Variants in ARHGEF11 observed in about 807,000 individuals in gnomAD.
The protein encoded by ARHGEF11 is Rho guanine nucleotide exchange factor 11.
Under a neutral mutation model 193.7 loss-of-function variants are expected in ARHGEF11, and 55 were observed. That is an observed-to-expected ratio of 0.28 (90% CI 0.23 to 0.36). ARHGEF11 has a LOEUF of 0.36. Among genes scored for constraint, ARHGEF11 ranks in the 10% least tolerant of loss-of-function variants. The pLI is 1.00. For missense variants in ARHGEF11, 1,723 were observed against 2,005.6 expected (o/e 0.86, Z 2.69); for synonymous variants, 693 against 768.0 (o/e 0.90, Z 1.62).
At chr1:156,954,659 A>G (rs1456533481) in intron 21 of ARHGEF11, among the ~76,000 whole-genome samples, 1 of 152,232 alleles carries the variant, frequency 6.6e-6, no homozygotes, top group African/African-American at 2.4e-5. Flanking sequence ...GTTAGGAGAC[A>G]AGGTCTCGTA....
At chr1:156,951,819 T>C in intron 21 of ARHGEF11, 120 bp from the exon 22 acceptor site, 3 of 1,316,108 alleles carry the variant, frequency 2.3e-6, no homozygotes, top group Non-Finnish European at 2.1e-6. Flanking sequence ...AGAACAGCAC[T>C]GGACCAAGAG....
intron 1 of ARHGEF11, among the ~76,000 whole-genome samples, chr1:157,032,633 T>A (rs959290674): frequency 4.6e-5 from 7 of 151,654 alleles, no homozygotes; most frequent in Admixed American, 1.3e-4. Context: ...GGAGCGACAT[T>A]TTTTTTTTCC....
intron 1 of ARHGEF11, among the ~76,000 whole-genome samples, chr1:157,021,124 T>C (rs1045277329): frequency 6.6e-6 from 1 of 152,174 alleles, no homozygotes; most frequent in African/African-American, 2.4e-5. Context: ...AGTTGCTCTG[T>C]AGGAAGATGG....
chr1:157,011,949 T>A (rs1473361708), intron 1 of ARHGEF11, among the ~76,000 whole-genome samples: 1 of 152,196 alleles, frequency 6.6e-6, no homozygotes, highest in African/African-American at 2.4e-5. Context: ...AACACACATA[T>A]GCTATATGAC....
intron 1 of ARHGEF11, among the ~76,000 whole-genome samples, chr1:157,019,080 AT>A (rs1669646954): frequency 1.3e-5 from 2 of 152,242 alleles, no homozygotes; most frequent in Admixed American, 6.5e-5. Flanking sequence ...ATTGGCAAAG[AT>A]TTATTCATTA....
At chr1:156,944,128 T>C (rs761907109) in intron 31 of ARHGEF11, 26 bp from the exon 32 acceptor site, 10 of 1,606,328 alleles carry the variant, frequency 6.2e-6, no homozygotes, top group Non-Finnish European at 7.7e-6. Flanking sequence ...CATGGGAAGG[T>C]GTTCCCTGGT....
chr1:157,041,386 G>A (rs1225416773), intron 1 of ARHGEF11, among the ~76,000 whole-genome samples: 2 of 152,266 alleles, frequency 1.3e-5, no homozygotes, highest in East Asian at 1.9e-4. Context: ...GAAAGATAAA[G>A]AATAGTTGCA....
Position 156,955,928 on chromosome 1 carries a change from C to A in ARHGEF11, c.1672-129G>T, listed in dbSNP as rs1046932010. 18 of 751,048 alleles carry A rather than the reference C, an allele frequency of 2.4e-5. No individual in the cohort carries two copies. In the African/African-American group the frequency reaches 2.9e-4, roughly 12 times the overall value. The allele number at this position is 751,048 out of a possible 1,614,324, so 46.5% of individuals were successfully genotyped here. Reference sequence around the variant, plus strand: ...ACTGGAGAGCTGACTCTTGCTGGTACCCTAACAAGCATGTTCGCCTCTGGC... The same window carrying A: ...ACTGGAGAGCTGACTCTTGCTGGTAACCTAACAAGCATGTTCGCCTCTGGC... On this transcript the variant is annotated intron_variant, in intron 19 of 40. Transcript: ENST00000368194.
chr1:156,977,410 T>C (rs187705961), intron 6 of ARHGEF11, among the ~76,000 whole-genome samples: 3 of 152,218 alleles, frequency 2.0e-5, no homozygotes, highest in African/African-American at 7.2e-5. Flanking sequence ...TCTACTTGTT[T>C]TTTTGTTTTG....
chr1:156,978,168 A>G, intron 6 of ARHGEF11, 36 bp downstream of exon 6: 1 of 1,613,562 alleles, frequency 6.2e-7, no homozygotes, highest in Non-Finnish European at 8.5e-7. Flanking sequence ...TCAACAGGAC[A>G]TTAGGGTGAG....
chr1:156,976,882 G>T, intron 7 of ARHGEF11, 101 bp downstream of exon 7: 8 of 1,041,258 alleles, frequency 7.7e-6, no homozygotes, highest in South Asian at 1.4e-5. Flanking sequence ...TACTGTGATA[G>T]GATATTGCCT....
intron 7 of ARHGEF11, 103 bp downstream of exon 7, chr1:156,976,880 T>C (rs1235324774): frequency 2.9e-6 from 3 of 1,037,958 alleles, no homozygotes; most frequent in Non-Finnish European, 4.4e-6. Context: ...TTTACTGTGA[T>C]AGGATATTGC....
chr1:156,961,238 C>T (rs1289309720), intron 14 of ARHGEF11, among the ~76,000 whole-genome samples: 1 of 152,254 alleles, frequency 6.6e-6, no homozygotes, highest in East Asian at 1.9e-4. Context: ...TGGGGCCTCC[C>T]ATCTCTGACT....
Position 156,941,874 on chromosome 1 carries a change from T to C in ARHGEF11, c.3442A>G (p.Thr1148Ala). ...GPREPAQQGP[T>A]PSRVELDDSD... ...GGCTAAGCACTGCACCTGCTGGGTG[T>C]GGGGCCCTGCTGGGCTGGCTCCCGG... Residue 1148 changes from threonine (T) to alanine (A), a missense_variant, in exon 34 of 41, where the codon ACA becomes GCA. This residue lies in a region of ARHGEF11 where 203 missense variants were observed against 237.3 expected (regional missense o/e 0.86). Coordinates refer to ENST00000368194, the MANE Select transcript of ARHGEF11 (RefSeq NM_198236.3). The C allele has an allele frequency of 6.2e-7, 1 of 1,610,504 alleles. No homozygotes were observed. Among genetic ancestry groups the C allele is most frequent in the East Asian group, 2.2e-5 (1 of 44,846 alleles).
chr1:157,001,984 T>G (rs1667254126), intron 1 of ARHGEF11, among the ~76,000 whole-genome samples: 1 of 152,240 alleles, frequency 6.6e-6, no homozygotes, highest in African/African-American at 2.4e-5. Context: ...GATTATGGTC[T>G]TAGTTCTAGG....
chr1:157,037,081 T>C (rs576440073), intron 1 of ARHGEF11, among the ~76,000 whole-genome samples: 1 of 152,292 alleles, frequency 6.6e-6, no homozygotes, highest in South Asian at 2.1e-4. Context: ...TGAGCCAAGA[T>C]CGTGCCATGG....
At chr1:156,939,001 C>T (rs1056818759) in intron 37 of ARHGEF11, 1 of 183,220 alleles carries the variant, frequency 5.5e-6, no homozygotes, top group Non-Finnish European at 1.1e-5. Context: ...TGTTTCCCAA[C>T]CCGGGGTGCC....
At chr1:156,983,868 TG>T (rs1284008183) in intron 3 of ARHGEF11, among the ~76,000 whole-genome samples, 6 of 152,218 alleles carry the variant, frequency 3.9e-5, no homozygotes, top group Non-Finnish European at 7.3e-5. Flanking sequence ...ATTCATCTGT[TG>T]GTAATTTATT....
chr1:156,939,757 G>A lies in ARHGEF11; in HGVS notation c.3887C>T (p.Ala1296Val). ...GTTGTCCCCTTCACCCCCAGGGGGTGCTTGCCCTGGGGAGCCTGGGTCCCA... is the reference window on the plus strand; with the variant it reads ...GTTGTCCCCTTCACCCCCAGGGGGTACTTGCCCTGGGGAGCCTGGGTCCCA... ...HPWDPGSPGQ[A>V]PPGGEGDNTQ... The change falls in exon 37 of 41, where the codon GCA (alanine) becomes GTA (valine). Residue 1296 changes from alanine (A) to valine (V), a missense_variant. Transcript: ENST00000368194. The A allele has an allele frequency of 6.2e-7, 1 of 1,613,970 alleles. No homozygotes were observed. Among genetic ancestry groups the A allele is most frequent in the Non-Finnish European group, 8.5e-7 (1 of 1,179,978 alleles).
Sources: allele counts gnomAD v4.1 joint callset (sites outside exome capture counted in the v4.1 genomes callset), GRCh38; gene constraint gnomAD v4.1.1; regional missense constraint gnomAD v4.1.1; transcripts MANE v1.5; gene names NCBI Gene and HGNC (gene_info 2026-07-23, HGNC 2026-07-21).